The following ROBO2 variants were observed in gnomAD, a reference collection of about 807,000 sequenced individuals.
The protein encoded by ROBO2 is roundabout homolog 2.
ROBO2 carries 53 observed loss-of-function variants against 160.8 expected under a neutral mutation model. The ratio of observed to expected loss-of-function variants is 0.33; its 90% CI spans 0.26 to 0.41. The LOEUF (loss-of-function observed/expected upper bound fraction) is 0.41. Ranked by LOEUF, ROBO2 falls within the 10% of genes least tolerant of loss-of-function variation. The pLI is 1.00. For missense variants in ROBO2, 1,577 were observed against 1,722.4 expected, an observed-to-expected ratio of 0.92 and a Z score of 1.49; for synonymous variants, 664 against 611.7, an observed-to-expected ratio of 1.09 and a Z score of -1.26.
At chr3:77,515,483 A>G in intron 5 of ROBO2, among the ~76,000 whole-genome samples, 1 of 151,788 alleles carries the variant, frequency 6.6e-6, no homozygotes, top group Admixed American at 6.6e-5. Context: ...ACACGCACAC[A>G]CACAACTACA....
At chr3:76,978,275 T>C (rs931257558) in intron 2 of ROBO2, among the ~76,000 whole-genome samples, 1 of 152,208 alleles carries the variant, frequency 6.6e-6, no homozygotes, top group African/African-American at 2.4e-5. Context: ...TAACAACTAA[T>C]TGCAATATAT....
intron 2 of ROBO2, among the ~76,000 whole-genome samples, chr3:76,703,218 T>C (rs2093084178): frequency 6.6e-6 from 1 of 152,084 alleles, no homozygotes. Flanking sequence ...ATCTTAATAA[T>C]CAATGGAGGA....
intron 2 of ROBO2, among the ~76,000 whole-genome samples, chr3:77,327,513 C>T (rs1015020915): frequency 6.6e-6 from 1 of 152,066 alleles, no homozygotes; most frequent in East Asian, 1.9e-4. Flanking sequence ...CCTTGAAAAC[C>T]GGACCCATTA....
intron 2 of ROBO2, among the ~76,000 whole-genome samples, chr3:76,293,181 C>T (rs1375794970): frequency 6.6e-6 from 1 of 152,126 alleles, no homozygotes; most frequent in African/African-American, 2.4e-5. Context: ...AACTAGAATA[C>T]ACTGAGACCC....
chr3:77,224,556 C>G (rs369829478), intron 2 of ROBO2, among the ~76,000 whole-genome samples: 2 of 151,764 alleles, frequency 1.3e-5, no homozygotes, highest in Admixed American at 6.6e-5. Context: ...TATTAATGAT[C>G]GTTGTATTTA....
At chr3:77,335,316 A>G (rs2066381408) in intron 2 of ROBO2, among the ~76,000 whole-genome samples, 1 of 152,128 alleles carries the variant, frequency 6.6e-6, no homozygotes, top group South Asian at 2.1e-4. Flanking sequence ...CTGAGGCACG[A>G]GAATCGCTTG....
intron 2 of ROBO2, among the ~76,000 whole-genome samples, chr3:77,193,447 A>G (rs1293196886): frequency 1.5e-5 from 2 of 129,132 alleles, no homozygotes; most frequent in Admixed American, 7.8e-5. Flanking sequence ...TGCCCAGCTA[A>G]GTTTTTTTTT....
chr3:77,209,764 C>A (rs1032068050), intron 2 of ROBO2, among the ~76,000 whole-genome samples: 1 of 152,154 alleles, frequency 6.6e-6, no homozygotes, highest in East Asian at 1.9e-4. Context: ...AAATGCTGGT[C>A]CAAGGATGAA....
intron 2 of ROBO2, among the ~76,000 whole-genome samples, chr3:77,126,520 T>C (rs545952638): frequency 1.3e-5 from 2 of 152,222 alleles, no homozygotes; most frequent in East Asian, 3.9e-4. Flanking sequence ...TCATCAAATA[T>C]ATATCGGCTT....
At chr3:76,848,452 C>T (rs149915124) in intron 2 of ROBO2, among the ~76,000 whole-genome samples, 14 of 152,288 alleles carry the variant, frequency 9.2e-5, no homozygotes, top group South Asian at 4.1e-4. Context: ...GATATGCACA[C>T]TTGGCTGAGA....
At chr3:76,871,764 C>T (rs534235199) in intron 2 of ROBO2, among the ~76,000 whole-genome samples, 348 of 152,228 alleles carry the variant, frequency 2.3e-3, no homozygotes, top group African/African-American at 8.1e-3. Flanking sequence ...CCAACTTTTT[C>T]ATGGAAACCC....
intron 2 of ROBO2, among the ~76,000 whole-genome samples, chr3:77,358,506 C>A (rs916388896): frequency 6.6e-6 from 1 of 152,166 alleles, no homozygotes; most frequent in African/African-American, 2.4e-5. Context: ...ACAATTCAAC[C>A]CATAACAACA....
chr3:77,552,491 A>C (rs2153654653), intron 8 of ROBO2, among the ~76,000 whole-genome samples: 1 of 152,092 alleles, frequency 6.6e-6, no homozygotes, highest in Non-Finnish European at 1.5e-5. Context: ...TTAATGGAAA[A>C]CCTTTGAGGC....
chr3:77,645,827 G>A (rs1237343105), intron 25 of ROBO2, among the ~76,000 whole-genome samples: 2 of 151,962 alleles, frequency 1.3e-5, no homozygotes, highest in African/African-American at 4.8e-5. Flanking sequence ...ACTCACAGGA[G>A]TACCAAAATA....
chr3:76,269,914 A>C (rs1707330428), intron 2 of ROBO2, among the ~76,000 whole-genome samples: 5 of 152,000 alleles, frequency 3.3e-5, no homozygotes, highest in Admixed American at 2.6e-4. Flanking sequence ...ATTTACACTG[A>C]GATTAAAAGG....
intron 2 of ROBO2, among the ~76,000 whole-genome samples, chr3:76,787,582 T>C (rs2063074181): frequency 6.6e-6 from 1 of 151,450 alleles, no homozygotes; most frequent in Non-Finnish European, 1.5e-5. Flanking sequence ...AAATTATCTT[T>C]TGTTATCTAT....
intron 2 of ROBO2, among the ~76,000 whole-genome samples, chr3:76,256,169 G>A (rs1284973120): frequency 6.6e-6 from 1 of 151,924 alleles, no homozygotes; most frequent in African/African-American, 2.4e-5. Context: ...AAATGTCCAG[G>A]CATGTTGATG....
chr3:76,389,404 GGAACTCT>G (rs2077042599), intron 2 of ROBO2, among the ~76,000 whole-genome samples: 1 of 152,134 alleles, frequency 6.6e-6, no homozygotes, highest in African/African-American at 2.4e-5. Context: ...GTGTCAAGGT[GGAACTCT>G]GAATTAGGCT....
intron 2 of ROBO2, among the ~76,000 whole-genome samples, chr3:76,066,537 T>G (rs1235509540): frequency 1.3e-5 from 2 of 151,998 alleles, no homozygotes; most frequent in African/African-American, 4.8e-5. Context: ...TTATTGAACA[T>G]TTTTCAAATT....
Sources: gnomAD v4.1 joint callset for allele counts (sites outside exome capture counted in the v4.1 genomes callset) on GRCh38, gnomAD v4.1.1 for gene constraint, MANE v1.5 for transcripts, NCBI Gene and HGNC (gene_info 2026-07-23, HGNC 2026-07-21) for gene names.